KLHL29: variants seen among roughly 807,000 people sequenced by gnomAD.
KLHL29 encodes kelch like family member 29, also known as kelch-like protein 29.
Under a neutral mutation model 80.4 loss-of-function variants are expected in KLHL29, and 21 were observed. That is an observed-to-expected ratio of 0.26 (90% confidence interval 0.19 to 0.38). The LOEUF is 0.38. KLHL29 is among the 10% of genes least tolerant of loss of function. The probability of loss-of-function intolerance (pLI) is 1.00; values close to 1 mark genes in which losing one functional copy is unlikely to be tolerated. For synonymous variants in KLHL29, 511 were observed against 526.8 expected (o/e 0.97, Z 0.41); for missense variants, 867 against 1,223.9 (o/e 0.71, Z 4.35).
chr2:23,620,536 G>A (rs1158558056), intron 3 of KLHL29, among the ~76,000 whole-genome samples: 5 of 152,142 alleles, frequency 3.3e-5, no homozygotes, highest in African/African-American at 9.7e-5. Context: ...CCTGCTTTAG[G>A]AACAGGGTGG....
chr2:23,558,916 C>T (rs986907122), intron 2 of KLHL29, among the ~76,000 whole-genome samples: 3 of 152,250 alleles, frequency 2.0e-5, no homozygotes, highest in African/African-American at 7.2e-5. Flanking sequence ...GTTCAAGTTG[C>T]CGGGGTCACA....
chr2:23,542,526 T>TG (rs1488965883), intron 2 of KLHL29, among the ~76,000 whole-genome samples: 1 of 152,164 alleles, frequency 6.6e-6, no homozygotes, highest in Non-Finnish European at 1.5e-5. Context: ...TTTGGGGAAT[T>TG]GCTGAGTCTC....
At position 23,503,051 on chromosome 2, in the gene KLHL29, A is replaced by G. The variant is rs1665499363; in HGVS notation, c.-46+27384A>G. Among the ~76,000 whole-genome samples the G allele has an allele frequency of 6.6e-6, 1 of 152,230 alleles. No individual in the cohort carries two copies. Among genetic ancestry groups the G allele is most frequent in the Admixed American group, 6.5e-5 (1 of 15,290 alleles). The stretch of plus-strand genomic sequence containing the variant: ...TTAATCATAAGGATTTACATCAGGA[A>G]AAATAACCTGAGAATAGATGTGTTT... On this transcript the variant is annotated intron_variant, in intron 2 of 13. Transcript: ENST00000486442. The surrounding 1 kb of genome is among the most constrained non-coding windows in gnomAD (Gnocchi z 4.0).
intron 5 of KLHL29, among the ~76,000 whole-genome samples, chr2:23,654,359 C>G (rs1237896701): frequency 6.6e-6 from 1 of 152,160 alleles, no homozygotes; most frequent in Non-Finnish European, 1.5e-5. Context: ...ACCTCACACG[C>G]CCCTCAGTTT....
rs183164823 is a variant in KLHL29, at chr2:23,457,740, G to A, written c.-153-17820G>A. 3.3e-5 allele frequency among the ~76,000 whole-genome samples: 5 copies of A among 152,300 alleles called. No homozygotes were observed. The highest frequency in any genetic ancestry group is 1.9e-4 in the East Asian group (1 of 5,178). On this transcript the variant is annotated intron_variant, in intron 1 of 13. Coordinates refer to ENST00000486442, the MANE Select transcript of KLHL29 (RefSeq NM_052920.2). The surrounding 1 kb of genome is among the most constrained non-coding windows in gnomAD (Gnocchi z 4.3). ...CTCTAAAGAAAACGTAAGGCCGGGCGCGGTGGCTCACACCTGTAATCCCAG... is the reference window on the plus strand; with the variant it reads ...CTCTAAAGAAAACGTAAGGCCGGGCACGGTGGCTCACACCTGTAATCCCAG...
In KLHL29 at chr2:23,515,188, G is replaced by T. The variant is rs72849023; in HGVS notation, c.-46+39521G>T. ...ATTTCTACCACCACAGCCCAAGGGAGGGTCCTTATTCAACAGGACCACCTC... is the reference window on the plus strand; with the variant it reads ...ATTTCTACCACCACAGCCCAAGGGATGGTCCTTATTCAACAGGACCACCTC... On this transcript the variant is annotated intron_variant, in intron 2 of 13. Transcript: ENST00000486442. 5.7e-3 allele frequency among the ~76,000 whole-genome samples: 862 copies of T among 152,196 alleles called. 9 individuals are homozygous for T. The highest frequency in any genetic ancestry group is 0.019 in the African/African-American group (791 of 41,488).
chr2:23,412,964 C>T (rs1020954027), intron 1 of KLHL29, among the ~76,000 whole-genome samples: 31 of 152,136 alleles, frequency 2.0e-4, no homozygotes, highest in Admixed American at 5.2e-4. Flanking sequence ...TTCCTATGCT[C>T]TTACTTAAGT....
intron 1 of KLHL29, among the ~76,000 whole-genome samples, chr2:23,438,338 C>T (rs922821749): frequency 4.1e-4 from 62 of 150,434 alleles, no homozygotes; most frequent in Non-Finnish European, 7.2e-4. Context: ...CCAGAACTTC[C>T]AACACCATGT....
intron 2 of KLHL29, among the ~76,000 whole-genome samples, chr2:23,512,537 T>C (rs2103463250): frequency 6.6e-6 from 1 of 152,332 alleles, no homozygotes; most frequent in East Asian, 1.9e-4. Context: ...TAGAATGATA[T>C]CTGGAATATA....
intron 2 of KLHL29, among the ~76,000 whole-genome samples, chr2:23,485,976 T>C (rs527633506): frequency 6.6e-6 from 1 of 152,336 alleles, no homozygotes; most frequent in African/African-American, 2.4e-5. Context: ...TCATACCTTC[T>C]TTGAGCCCAA....
intron 2 of KLHL29, chr2:23,532,483 G>A (rs1666522971): frequency 2.1e-5 from 9 of 438,728 alleles, no homozygotes; most frequent in South Asian, 1.3e-4. Flanking sequence ...CGGCACCCAG[G>A]CCCCTGCTAG....
chr2:23,416,284 C>T (rs1666982568), intron 1 of KLHL29, among the ~76,000 whole-genome samples: 2 of 152,202 alleles, frequency 1.3e-5, no homozygotes, highest in African/African-American at 2.4e-5. Flanking sequence ...ATCCAAGCCC[C>T]GCCCTCTGAT....
In KLHL29 at chr2:23,682,896, G is replaced by GC. The variant is rs67368676; in HGVS notation, c.941-1501dup. On this transcript the variant is annotated intron_variant, in intron 5 of 13. Transcript: ENST00000486442. The surrounding 1 kb of genome is among the most constrained non-coding windows in gnomAD (Gnocchi z 4.1). ...TTGGCGGGGTCAGTGATTCGGCCTTGCCATGGCTCCCAGAGGGCAGGGCCC... is the reference window on the plus strand; with the variant it reads ...TTGGCGGGGTCAGTGATTCGGCCTTGCCCATGGCTCCCAGAGGGCAGGGCCC... Among the ~76,000 whole-genome samples the GC allele has an allele frequency of 1, 152,281 of 152,284 alleles. 76,139 individuals are homozygous for GC. The highest frequency in any genetic ancestry group is 1 in the Non-Finnish European group (68,036 of 68,036).
At chr2:23,663,666 C>T (rs1028004417) in intron 5 of KLHL29, among the ~76,000 whole-genome samples, 1 of 152,174 alleles carries the variant, frequency 6.6e-6, no homozygotes, top group Admixed American at 6.5e-5. Flanking sequence ...GAGCGATTGC[C>T]GTTGTGTTCT....
At chr2:23,618,545 G>C (rs1164860861) in intron 3 of KLHL29, among the ~76,000 whole-genome samples, 1 of 152,152 alleles carries the variant, frequency 6.6e-6, no homozygotes, top group Non-Finnish European at 1.5e-5. Context: ...CCTTTGGACT[G>C]GAACTGAAAC....
intron 1 of KLHL29, among the ~76,000 whole-genome samples, chr2:23,460,129 A>T (rs1022407509): frequency 2.0e-5 from 3 of 152,250 alleles, no homozygotes; most frequent in Non-Finnish European, 4.4e-5. Flanking sequence ...TTGATCCAAC[A>T]TGCCTATCTC....
rs1667105665 is a variant in KLHL29 at position 23,550,859 on chromosome 2, A to G, written c.-45-11293A>G. The stretch of plus-strand genomic sequence containing the variant: ...CTGTGAAGAGGGAGCTTGTTGAATT[A>G]GTCAATTCTGCAAGATCTAGAATAA... On this transcript the variant is annotated intron_variant, in intron 2 of 13. Coordinates refer to ENST00000486442, the MANE Select transcript of KLHL29 (RefSeq NM_052920.2). Among the ~76,000 whole-genome samples, 3 of 152,252 alleles carry G rather than the reference A, an allele frequency of 2.0e-5. No individual in the cohort carries two copies. The South Asian group carries it at 6.2e-4, about 31-fold the overall frequency.
Position 23,695,926 on chromosome 2 carries a change from A to C in KLHL29, c.1742-25A>C. 6.5e-7 allele frequency: 1 copy of C among 1,548,352 alleles called. No homozygotes were observed. Among genetic ancestry groups the C allele is most frequent in the Non-Finnish European group, 8.7e-7 (1 of 1,145,786 alleles). On this transcript the variant is annotated intron_variant, in intron 9 of 13. Transcript: ENST00000486442. The surrounding 1 kb of genome is among the most constrained non-coding windows in gnomAD (Gnocchi z 7.6). ...GCCGACAGTCTTAGAGTGTGTCCCA[A>C]GGGCGCCCATCCATGTCCCTGCAGG...
intron 2 of KLHL29, among the ~76,000 whole-genome samples, chr2:23,555,962 A>G (rs1488458240): frequency 6.6e-6 from 1 of 152,188 alleles, no homozygotes; most frequent in Non-Finnish European, 1.5e-5. Context: ...GTGTGCATTG[A>G]GACGCCAGCA....
Sources: allele counts gnomAD v4.1 joint callset (sites outside exome capture counted in the v4.1 genomes callset), GRCh38; gene constraint gnomAD v4.1.1; non-coding constraint Gnocchi (gnomAD v3.1); transcripts MANE v1.5; gene names NCBI Gene and HGNC (gene_info 2026-07-23, HGNC 2026-07-21).